LIPK: variants seen among roughly 807,000 people sequenced by gnomAD.
LIPK encodes lipase family member K.
In LIPK, 32 loss-of-function variants were observed where a neutral mutation model predicts 48.6. The ratio of observed to expected loss-of-function variants is 0.66; its 90% CI spans 0.50 to 0.88. The LOEUF (loss-of-function observed/expected upper bound fraction) is 0.88, where lower values mean the gene tolerates loss of function less well. LIPK is among the 40% of genes least tolerant of loss of function. LIPK has a pLI of 0.00. For synonymous variants in LIPK, 164 were observed against 157.4 expected, an observed-to-expected ratio of 1.04 and a Z score of -0.32; for missense variants, 507 against 478.5, an observed-to-expected ratio of 1.06 and a Z score of -0.56.
chr10:88,738,964 C>T (rs923876429), intron 7 of LIPK, among the ~76,000 whole-genome samples: 5 of 152,180 alleles, frequency 3.3e-5, no homozygotes, highest in African/African-American at 9.7e-5. Context: ...TTATTCAGTA[C>T]ATTTGGATAG....
At chr10:88,715,316 G>T (rs1842095741) in intron 1 of LIPK, among the ~76,000 whole-genome samples, 1 of 151,956 alleles carries the variant, frequency 6.6e-6, no homozygotes, top group Non-Finnish European at 1.5e-5. Flanking sequence ...TCTATTATTG[G>T]ATGCCTACAT....
chr10:88,714,539 G>A (rs761093975), intron 1 of LIPK, among the ~76,000 whole-genome samples: 4 of 152,122 alleles, frequency 2.6e-5, no homozygotes, highest in Non-Finnish European at 4.4e-5. Flanking sequence ...GTCCATGCAC[G>A]TGGAAATATT....
intron 8 of LIPK, among the ~76,000 whole-genome samples, chr10:88,740,901 C>T (rs1465446646): frequency 6.6e-6 from 1 of 152,056 alleles, no homozygotes; most frequent in Non-Finnish European, 1.5e-5. Flanking sequence ...GCCTGAAATA[C>T]TTGGTGAGGA....
chr10:88,716,171 T>C (rs1053103728), intron 1 of LIPK, among the ~76,000 whole-genome samples: 4 of 152,044 alleles, frequency 2.6e-5, no homozygotes, highest in African/African-American at 9.7e-5. Flanking sequence ...TATAAGATAT[T>C]AGGAATTAGA....
At chr10:88,733,147 C>T (rs1842502439) in intron 6 of LIPK, among the ~76,000 whole-genome samples, 1 of 152,154 alleles carries the variant, frequency 6.6e-6, no homozygotes. Flanking sequence ...AGAATGTACC[C>T]TCCTCCATCA....
intron 1 of LIPK, among the ~76,000 whole-genome samples, chr10:88,721,408 G>C (rs1483168462): frequency 6.6e-6 from 1 of 152,198 alleles, no homozygotes; most frequent in African/African-American, 2.4e-5. Context: ...GGTGCTGGAA[G>C]ACAGGCTGTT....
chr10:88,742,164 G>A (rs909026133), intron 8 of LIPK, among the ~76,000 whole-genome samples: 1 of 152,188 alleles, frequency 6.6e-6, no homozygotes, highest in East Asian at 1.9e-4. Context: ...CCGCCCCCAT[G>A]ATTCAGTCTC....
intron 4 of LIPK, among the ~76,000 whole-genome samples, 199 bp downstream of exon 4, chr10:88,731,380 C>T (rs141988389): frequency 6.6e-6 from 1 of 152,296 alleles, no homozygotes; most frequent in East Asian, 1.9e-4. Context: ...TGTTTTAGAA[C>T]TCCTGCCTCC....
intron 9 of LIPK, among the ~76,000 whole-genome samples, chr10:88,746,507 C>T (rs1258794875): frequency 6.6e-6 from 1 of 152,110 alleles, no homozygotes; most frequent in African/African-American, 2.4e-5. Context: ...ACAACCTTCT[C>T]CTGAATGACT....
chr10:88,732,773 G>A (rs1342470040), intron 6 of LIPK, among the ~76,000 whole-genome samples: 2 of 152,208 alleles, frequency 1.3e-5, no homozygotes, highest in Non-Finnish European at 2.9e-5. Flanking sequence ...GTCTAGAAAC[G>A]TGTCTGCTGC....
At chr10:88,716,409 G>A (rs1298103852) in intron 1 of LIPK, among the ~76,000 whole-genome samples, 2 of 148,538 alleles carry the variant, frequency 1.3e-5, no homozygotes, top group African/African-American at 5.0e-5. Flanking sequence ...TCAGGTGGGA[G>A]TGCAGTGGCC....
intron 1 of LIPK, among the ~76,000 whole-genome samples, chr10:88,707,051 T>G (rs991337576): frequency 2.6e-5 from 4 of 152,174 alleles, no homozygotes; most frequent in African/African-American, 7.2e-5. Flanking sequence ...ATAGAGAGAT[T>G]AAATAATTAT....
At chr10:88,723,729 A>C (rs12415144) in intron 1 of LIPK, among the ~76,000 whole-genome samples, 3,018 of 152,204 alleles carry the variant, frequency 0.02, 41 homozygotes, top group Admixed American at 0.031. Flanking sequence ...AATCATCCAA[A>C]TATTCACCAT....
chr10:88,724,755 A>T (rs1842301296), intron 2 of LIPK, 107 bp downstream of exon 2: 2 of 697,996 alleles, frequency 2.9e-6, no homozygotes, highest in Admixed American at 3.3e-5. Flanking sequence ...TCCTCCAGTG[A>T]CTAAGTCTGT....
intron 1 of LIPK, among the ~76,000 whole-genome samples, chr10:88,716,870 ATT>A (rs35326126): frequency 1.3e-5 from 2 of 151,750 alleles, no homozygotes; most frequent in East Asian, 1.9e-4. Context: ...ATGGATTTGG[ATT>A]TTTTTTTCTC....
chr10:88,741,958 A>T (rs145698876), intron 8 of LIPK, among the ~76,000 whole-genome samples: 107 of 152,322 alleles, frequency 7.0e-4, no homozygotes, highest in African/African-American at 2.2e-3. Flanking sequence ...ACAGCTCCAC[A>T]GGCTGTACAG....
In LIPK at chr10:88,722,889, C is replaced by CTTTTTTTTTTTT. The variant is rs398014386; in HGVS notation, c.-11-1643_-11-1632dup. Among the ~76,000 whole-genome samples, 214 of 113,158 alleles carry CTTTTTTTTTTTT rather than the reference C, an allele frequency of 1.9e-3. 13 individuals carry two copies. Among genetic ancestry groups the CTTTTTTTTTTTT allele is most frequent in the Middle Eastern group, 0.013 (2 of 156 alleles). The allele number at this position is 113,158 out of a possible 152,430, so 74.2% of individuals were successfully genotyped here. On this transcript the variant is annotated intron_variant, in intron 1 of 9. Coordinates refer to ENST00000404190, the MANE Select transcript of LIPK (RefSeq NM_001080518.2). ...AATTGTTTTTCTTCTTTTCTTTTTTCTTTTTTTTTTTTGACAGGGTTTCAC... is the reference window on the plus strand; with the variant it reads ...AATTGTTTTTCTTCTTTTCTTTTTTCTTTTTTTTTTTTTTTTTTTTTTTTGACAGGGTTTCAC...
At chr10:88,742,488 T>G (rs1842697265) in intron 8 of LIPK, among the ~76,000 whole-genome samples, 1 of 152,272 alleles carries the variant, frequency 6.6e-6, no homozygotes, top group Non-Finnish European at 1.5e-5. Context: ...AATGAAGTGC[T>G]TGACATAAAT....
intron 6 of LIPK, among the ~76,000 whole-genome samples, chr10:88,736,090 TTTCATAC>T (rs1842565839): frequency 6.6e-6 from 1 of 151,670 alleles, no homozygotes; most frequent in Non-Finnish European, 1.5e-5. Context: ...AGTACCAAGA[TTTCATAC>T]TCCTCTTCCT....
Sources: gnomAD v4.1 joint callset for allele counts (sites outside exome capture counted in the v4.1 genomes callset) on GRCh38, gnomAD v4.1.1 for gene constraint, MANE v1.5 for transcripts, NCBI Gene and HGNC (gene_info 2026-07-23, HGNC 2026-07-21) for gene names.